Variants in IKZF2 observed in about 807,000 individuals in gnomAD.
IKZF2 encodes the protein zinc finger protein Helios.
IKZF2 carries 15 observed loss-of-function variants against 49.2 expected under a neutral mutation model. That is an observed-to-expected ratio of 0.30 (90% CI 0.20 to 0.47). The LOEUF is 0.47. IKZF2 is among the 20% of genes least tolerant of loss of function. IKZF2 has a pLI of 1.00. For missense variants in IKZF2, 567 were observed against 664.6 expected (o/e 0.85, Z 1.61); for synonymous variants, 227 against 221.4 (o/e 1.03, Z -0.23).
At chr2:213,052,939 G>A (rs1044981885) in intron 5 of IKZF2, among the ~76,000 whole-genome samples, 4 of 151,958 alleles carry the variant, frequency 2.6e-5, no homozygotes, top group African/African-American at 9.7e-5. Flanking sequence ...ACTCCATACT[G>A]TCTATGAAAC....
intron 4 of IKZF2, among the ~76,000 whole-genome samples, chr2:213,140,718 A>G (rs2060833622): frequency 6.6e-6 from 1 of 152,008 alleles, no homozygotes; most frequent in Admixed American, 6.6e-5. Context: ...TGAGACCAGT[A>G]TAAAGGATTC....
At chr2:213,141,862 A>T (rs2060887159) in intron 4 of IKZF2, among the ~76,000 whole-genome samples, 1 of 152,030 alleles carries the variant, frequency 6.6e-6, no homozygotes, top group Non-Finnish European at 1.5e-5. Context: ...TATTGAATTG[A>T]TCAACTAGAA....
At chr2:213,014,003 A>T in intron 7 of IKZF2, 69 bp from the exon 8 acceptor site, 1 of 1,443,386 alleles carries the variant, frequency 6.9e-7, no homozygotes, top group Non-Finnish European at 9.7e-7. Flanking sequence ...AAAGCTGGAT[A>T]TGCCATCTCG....
intron 6 of IKZF2, among the ~76,000 whole-genome samples, chr2:213,043,729 G>C (rs771218687): frequency 6.6e-6 from 1 of 152,122 alleles, no homozygotes; most frequent in Non-Finnish European, 1.5e-5. Flanking sequence ...TCACAATAGG[G>C]TGCGTGCCTA....
At chr2:213,085,416 T>C (rs1399477268) in intron 4 of IKZF2, among the ~76,000 whole-genome samples, 1 of 152,172 alleles carries the variant, frequency 6.6e-6, no homozygotes, top group Non-Finnish European at 1.5e-5. Context: ...AATATATTAA[T>C]GTATTTCAAT....
intron 6 of IKZF2, among the ~76,000 whole-genome samples, chr2:213,035,039 T>C (rs1291018665): frequency 2.6e-5 from 4 of 152,228 alleles, no homozygotes; most frequent in African/African-American, 7.2e-5. Flanking sequence ...GGAATATTCA[T>C]ATAAAGAATA....
At chr2:213,048,718 A>G (rs891585856) in intron 6 of IKZF2, among the ~76,000 whole-genome samples, 1 of 152,084 alleles carries the variant, frequency 6.6e-6, no homozygotes, top group Admixed American at 6.6e-5. Flanking sequence ...GTTAATGTTT[A>G]AAATAGTTTT....
intron 4 of IKZF2, among the ~76,000 whole-genome samples, chr2:213,111,091 T>C (rs935039793): frequency 1.3e-5 from 2 of 152,040 alleles, no homozygotes; most frequent in African/African-American, 4.8e-5. Context: ...GTTTTATTTA[T>C]GCTATTTTTT....
At chr2:213,026,756 CTG>C (rs1193259435) in intron 6 of IKZF2, among the ~76,000 whole-genome samples, 1 of 151,982 alleles carries the variant, frequency 6.6e-6, no homozygotes, top group African/African-American at 2.4e-5. Flanking sequence ...ATTTTATACA[CTG>C]TTATTTTATA....
At chr2:213,023,534 G>A (rs1697462849) in intron 6 of IKZF2, among the ~76,000 whole-genome samples, 1 of 152,100 alleles carries the variant, frequency 6.6e-6, no homozygotes, top group Admixed American at 6.6e-5. Context: ...TGCAGAACTT[G>A]TATCACCATG....
At chr2:213,063,564 T>G (rs1206510829) in intron 4 of IKZF2, among the ~76,000 whole-genome samples, 1 of 151,962 alleles carries the variant, frequency 6.6e-6, no homozygotes, top group African/African-American at 2.4e-5. Context: ...ATGATAATAG[T>G]AATGATAATA....
chr2:213,041,342 G>A (rs571060453), intron 6 of IKZF2, among the ~76,000 whole-genome samples: 1 of 150,790 alleles, frequency 6.6e-6, no homozygotes, highest in Admixed American at 6.6e-5. Flanking sequence ...CTTTTTTTGG[G>A]GGGGGTGGGA....
At chr2:213,077,703 C>T (rs1272337668) in intron 4 of IKZF2, among the ~76,000 whole-genome samples, 36 of 150,816 alleles carry the variant, frequency 2.4e-4, no homozygotes. Context: ...TTCTCCTGCC[C>T]CAGCCTCCCA....
intron 4 of IKZF2, among the ~76,000 whole-genome samples, chr2:213,078,880 T>G (rs1703577116): frequency 6.6e-6 from 1 of 152,228 alleles, no homozygotes; most frequent in Non-Finnish European, 1.5e-5. Context: ...TCTCTGAGTT[T>G]TCTGTTTCCA....
intron 4 of IKZF2, among the ~76,000 whole-genome samples, chr2:213,146,177 T>C (rs1034162945): frequency 6.6e-6 from 1 of 152,084 alleles, no homozygotes; most frequent in Non-Finnish European, 1.5e-5. Context: ...TATCTCTTTT[T>C]ACTCTTTAGG....
At chr2:213,012,253 C>A (rs1474794031) in intron 8 of IKZF2, among the ~76,000 whole-genome samples, 1 of 151,562 alleles carries the variant, frequency 6.6e-6, no homozygotes, top group Non-Finnish European at 1.5e-5. Flanking sequence ...ATTTTAGAAT[C>A]ATAATGTAAT....
At chr2:213,085,217 G>A (rs774430195) in intron 4 of IKZF2, among the ~76,000 whole-genome samples, 1 of 152,112 alleles carries the variant, frequency 6.6e-6, no homozygotes, top group Non-Finnish European at 1.5e-5. Flanking sequence ...TTTTAAAATC[G>A]AAAGGTGAGC....
chr2:213,055,646 T>C (rs535280856), intron 5 of IKZF2, among the ~76,000 whole-genome samples: 6 of 152,030 alleles, frequency 3.9e-5, no homozygotes. Context: ...TACCAAGCAA[T>C]AGTGTGTCTG....
intron 6 of IKZF2, among the ~76,000 whole-genome samples, chr2:213,038,583 A>C (rs1699281416): frequency 7.0e-6 from 1 of 141,864 alleles, no homozygotes; most frequent in African/African-American, 2.8e-5. Context: ...GGAAGTCATT[A>C]CAAAAAAAAA....
Sources: allele counts gnomAD v4.1 joint callset (sites outside exome capture counted in the v4.1 genomes callset), GRCh38; gene constraint gnomAD v4.1.1; transcripts MANE v1.5; gene names NCBI Gene and HGNC (gene_info 2026-07-23, HGNC 2026-07-21).